CLVS2: variants seen among roughly 807,000 people sequenced by gnomAD.
The protein encoded by CLVS2 is clavesin-2.
CLVS2 carries 19 observed loss-of-function variants against 29.0 expected under a neutral mutation model. That is an observed-to-expected ratio of 0.66 (90% CI 0.46 to 0.96). The LOEUF is 0.96. Among genes scored for constraint, CLVS2 ranks in the 40% least tolerant of loss-of-function variants. The probability of loss-of-function intolerance (pLI) is 0.00; values close to 1 mark genes in which losing one functional copy is unlikely to be tolerated. For synonymous variants in CLVS2, 161 were observed against 151.3 expected (o/e 1.06, Z -0.47); for missense variants, 294 against 404.1 (o/e 0.73, Z 2.34).
chr6:123,043,929 C>A (rs1775270649), intron 3 of CLVS2, among the ~76,000 whole-genome samples: 1 of 152,052 alleles, frequency 6.6e-6, no homozygotes, highest in Non-Finnish European at 1.5e-5. Flanking sequence ...CATGTTTTTG[C>A]TAGAAATATA....
At chr6:123,006,567 A>G (rs1774672020) in intron 2 of CLVS2, among the ~76,000 whole-genome samples, 1 of 152,208 alleles carries the variant, frequency 6.6e-6, no homozygotes, top group African/African-American at 2.4e-5. Context: ...AAATATATAA[A>G]AGACAAAAAA....
intron 2 of CLVS2, among the ~76,000 whole-genome samples, chr6:123,007,997 C>T (rs1203352457): frequency 1.3e-5 from 2 of 152,010 alleles, no homozygotes; most frequent in Non-Finnish European, 2.9e-5. Context: ...AGATAAAATT[C>T]ATAGATGCTA....
At chr6:123,017,108 G>T (rs1326211020) in intron 3 of CLVS2, among the ~76,000 whole-genome samples, 1 of 151,976 alleles carries the variant, frequency 6.6e-6, no homozygotes, top group Non-Finnish European at 1.5e-5. Flanking sequence ...GTGTGTGTGT[G>T]TGTGTGTGCG....
Position 123,025,206 on chromosome 6 carries a change from C to A in CLVS2, c.564+14047C>A, listed in dbSNP as rs1344371096. On this transcript the variant is annotated intron_variant, in intron 3 of 5. Coordinates refer to ENST00000275162, the MANE Select transcript of CLVS2 (RefSeq NM_001010852.4). ...TTGGACACAGGAATTAAGCTGACAT[C>A]AATATCCGGGGACCTGGAAAGCCGT... 2.0e-5 allele frequency among the ~76,000 whole-genome samples: 3 copies of A among 152,188 alleles called. No individual in the cohort carries two copies. The East Asian group carries it at 5.8e-4, about 29-fold the overall frequency.
intron 2 of CLVS2, among the ~76,000 whole-genome samples, chr6:123,003,513 C>T (rs963047944): frequency 2.0e-5 from 3 of 152,042 alleles, no homozygotes; most frequent in Non-Finnish European, 4.4e-5. Context: ...AAAGGATACT[C>T]CTGTATGTGG....
chr6:123,004,077 A>G (rs1774629275), intron 2 of CLVS2, among the ~76,000 whole-genome samples: 1 of 152,218 alleles, frequency 6.6e-6, no homozygotes, highest in African/African-American at 2.4e-5. Context: ...TCTCGATTAA[A>G]TATAACAAAA....
intron 5 of CLVS2, among the ~76,000 whole-genome samples, chr6:123,059,314 T>C (rs1042855265): frequency 2.0e-5 from 3 of 152,178 alleles, no homozygotes; most frequent in African/African-American, 7.2e-5. Flanking sequence ...CATAACACTT[T>C]TAGCCTTTGA....
chr6:123,032,601 A>T (rs1322560804), intron 3 of CLVS2, among the ~76,000 whole-genome samples: 1 of 152,124 alleles, frequency 6.6e-6, no homozygotes, highest in Admixed American at 6.6e-5. Flanking sequence ...AAAGAAAATT[A>T]TAAAAGCGAG....
Position 123,065,923 on chromosome 6 carries a change from A to G in CLVS2, c.*2162A>G, listed in dbSNP as rs1489699683. 1 of 151,756 alleles carries G rather than the reference A, an allele frequency of 6.6e-6. No homozygotes were observed. The allele number at this position is 151,756 out of a possible 1,614,324, so 9.4% of individuals were successfully genotyped here. A position where few individuals can be genotyped will look rare whatever the true frequency, so the allele number is the denominator to read the frequency against. ...AAAAATAACTAGAAAGGCATATTTT[A>G]TATGTATGCCTATCTAATTATAAGT... On this transcript the variant is annotated 3_prime_UTR_variant, in exon 6 of 6. Transcript: ENST00000275162.
At position 123,068,828 on chromosome 6, in the gene CLVS2, A is replaced by G. The variant is rs893041935; in HGVS notation, c.*5067A>G. On this transcript the variant is annotated 3_prime_UTR_variant, in exon 6 of 6. Coordinates refer to ENST00000275162, the MANE Select transcript of CLVS2 (RefSeq NM_001010852.4). ...AAACACTATAATATAATTTTTGGACAAGTATACATTTCTGTTTAAAAGAAA... is the reference window on the plus strand; with the variant it reads ...AAACACTATAATATAATTTTTGGACGAGTATACATTTCTGTTTAAAAGAAA... The G allele has an allele frequency of 2.6e-5, 4 of 151,718 alleles. No individual in the cohort carries two copies. Among genetic ancestry groups the G allele is most frequent in the African/African-American group, 9.7e-5 (4 of 41,410 alleles). 9.4% of individuals were successfully genotyped at this position (151,718 alleles called of 1,614,324 possible).
intron 2 of CLVS2, among the ~76,000 whole-genome samples, chr6:123,002,907 T>C (rs1022231883): frequency 6.6e-6 from 1 of 152,196 alleles, no homozygotes; most frequent in South Asian, 2.1e-4. Flanking sequence ...AAACCACAAA[T>C]GGCAGATATG....
At chr6:123,042,547 G>A (rs1582659232) in intron 3 of CLVS2, among the ~76,000 whole-genome samples, 1 of 152,134 alleles carries the variant, frequency 6.6e-6, no homozygotes, top group East Asian at 1.9e-4. Flanking sequence ...CTGTATGAAG[G>A]ATGAAATCTT....
chr6:123,004,924 A>G (rs1277395115), intron 2 of CLVS2, among the ~76,000 whole-genome samples: 1 of 107,890 alleles, frequency 9.3e-6, no homozygotes, highest in Non-Finnish European at 1.8e-5. Context: ...CAAAACAAAA[A>G]CAAAAACAAA....
intron 3 of CLVS2, among the ~76,000 whole-genome samples, chr6:123,047,492 T>C (rs1772534357): frequency 6.6e-6 from 1 of 152,202 alleles, no homozygotes; most frequent in South Asian, 2.1e-4. Context: ...TTGGCAGCTC[T>C]GCAAATCAAT....
rs1389421265 is a variant in CLVS2 at position 122,996,573 on chromosome 6, T to A, written c.-733T>A. ...TGCCCGCGGACGATGTGGCCGCGGC[T>A]GCTCCCGAGCGCATCTTCGGCCCGG... On this transcript the variant is annotated 5_prime_UTR_variant, in exon 1 of 6. Coordinates refer to ENST00000275162, the MANE Select transcript of CLVS2 (RefSeq NM_001010852.4). 6.5e-6 allele frequency: 1 copy of A among 153,276 alleles called. No homozygotes were observed. Among genetic ancestry groups the A allele is most frequent in the Non-Finnish European group, 1.5e-5 (1 of 68,386 alleles). 9.5% of individuals were successfully genotyped at this position (153,276 alleles called of 1,614,324 possible). A position where few individuals can be genotyped will look rare whatever the true frequency, so the allele number is the denominator to read the frequency against.
At chr6:123,045,131 A>C (rs1193665378) in intron 3 of CLVS2, among the ~76,000 whole-genome samples, 1 of 150,602 alleles carries the variant, frequency 6.6e-6, no homozygotes, top group East Asian at 2.0e-4. Flanking sequence ...ACATTTATCT[A>C]CCTCTTTTGG....
intron 3 of CLVS2, among the ~76,000 whole-genome samples, chr6:123,035,472 A>T (rs1775140690): frequency 6.6e-6 from 1 of 152,168 alleles, no homozygotes; most frequent in African/African-American, 2.4e-5. Context: ...GATGTTGGGT[A>T]AAAAGTCTCA....
At chr6:123,005,122 C>T (rs970433739) in intron 2 of CLVS2, among the ~76,000 whole-genome samples, 1 of 151,892 alleles carries the variant, frequency 6.6e-6, no homozygotes, top group Non-Finnish European at 1.5e-5. Context: ...TCTCTGAGAC[C>T]CTCTGTCCTC....
chr6:123,035,902 C>G (rs143825356), intron 3 of CLVS2, among the ~76,000 whole-genome samples: 120 of 152,188 alleles, frequency 7.9e-4, no homozygotes, highest in African/African-American at 2.7e-3. Flanking sequence ...TTTTATGCAA[C>G]AGTGATGTGG....
Sources: gnomAD v4.1 joint callset for allele counts (sites outside exome capture counted in the v4.1 genomes callset) on GRCh38, gnomAD v4.1.1 for gene constraint, MANE v1.5 for transcripts, NCBI Gene and HGNC (gene_info 2026-07-23, HGNC 2026-07-21) for gene names.